PKD1: variants seen among roughly 807,000 people sequenced by gnomAD.
The protein encoded by PKD1 is polycystin 1, transient receptor potential channel interacting, also known as polycystin-1.
A neutral mutation model predicts 361.7 loss-of-function variants in PKD1; 81 were observed. The ratio of observed to expected loss-of-function variants is 0.22; its 90% CI spans 0.19 to 0.27. The LOEUF is 0.27. PKD1 is among the 10% of genes least tolerant of loss of function. The probability of loss-of-function intolerance (pLI) is 1.00; values close to 1 mark genes in which losing one functional copy is unlikely to be tolerated. For missense variants in PKD1, 6,399 were observed against 6,118.3 expected, an observed-to-expected ratio of 1.05 and a Z score of -1.53; for synonymous variants, 3,615 against 2,818.3, an observed-to-expected ratio of 1.28 and a Z score of -8.95.
rs1286261969 is a variant in PKD1, at chr16:2,103,720, C to G, written c.8337G>C (p.Glu2779Asp). ...LNEEPLTLAG[E>D]EIVAQGKRSD... ...AGCGCTTGCCCTGGGCCACGATCTCCTCGCCCGCCAGCGTCAGGGGCTCCT... is the reference window on the plus strand; with the variant it reads ...AGCGCTTGCCCTGGGCCACGATCTCGTCGCCCGCCAGCGTCAGGGGCTCCT... The change falls in exon 23 of 46, where the codon GAG becomes GAC. Residue 2779 changes from glutamate to aspartate, a missense_variant. Transcript: ENST00000262304. 3 of 1,609,910 alleles carry G rather than the reference C, an allele frequency of 1.9e-6. No homozygotes were observed. The African/African-American group carries it at 4.0e-5, about 22-fold the overall frequency.
At chr16:2,091,384 C>A in intron 42 of PKD1, 39 bp downstream of exon 42, 3 of 1,074,964 alleles carry the variant, frequency 2.8e-6, no homozygotes, top group Non-Finnish European at 3.4e-6. Context: ...CGGGACGCTG[C>A]CGGTGGGAGG....
intron 1 of PKD1, among the ~76,000 whole-genome samples, chr16:2,125,151 G>A (rs2092779275): frequency 6.6e-6 from 1 of 152,252 alleles, no homozygotes; most frequent in Non-Finnish European, 1.5e-5. Context: ...GCGGCTTCCA[G>A]GGCCGGAAAT....
chr16:2,091,773 G>GCTC lies in PKD1; in HGVS notation c.11537+5_11537+7dup. The GCTC allele has an allele frequency of 6.2e-7, 1 of 1,608,776 alleles. No homozygotes were observed. The highest frequency in any genetic ancestry group is 8.5e-7 in the Non-Finnish European group (1 of 1,178,586). On this transcript the variant is annotated splice_region_variant and intron_variant, in intron 41 of 45. Coordinates refer to ENST00000262304, the MANE Select transcript of PKD1 (RefSeq NM_001009944.3). ...CACCCCGGAGAGGGCAGGGGAGGGAGCTCCCACCTGTTGTCCAGCCAGTTG... is the reference window on the plus strand; with the variant it reads ...CACCCCGGAGAGGGCAGGGGAGGGAGCTCCTCCCACCTGTTGTCCAGCCAGTTG...
chr16:2,091,332 G>GCGAGGGCGGGGCCCTT, intron 42 of PKD1, 91 bp downstream of exon 42: 1 of 627,290 alleles, frequency 1.6e-6, no homozygotes, highest in Non-Finnish European at 2.0e-6. Context: ...GCGGGGCGCT[G>GCGAGGGCGGGGCCCTT]CGAGGGGTGA....
intron 10 of PKD1, 137 bp downstream of exon 10, chr16:2,115,241 C>G: frequency 9.3e-7 from 1 of 1,074,262 alleles, no homozygotes; most frequent in Non-Finnish European, 1.3e-6. Context: ...CTGCAGAGGT[C>G]GGAGGTCAGA....
In PKD1 at chr16:2,091,614, G is replaced by T. The variant is rs766303348; in HGVS notation, c.11538-17C>A. ...GCGCGGCTCCTGCGCAGAGGGTGCG[G>T]GTCAGTAGGAGCGGGTGGCAGGGCG... On this transcript the variant is annotated splice_polypyrimidine_tract_variant and intron_variant, in intron 41 of 45. Transcript: ENST00000262304. The T allele has an allele frequency of 4.5e-6, 7 of 1,562,614 alleles. No individual in the cohort carries two copies. The Admixed American group carries it at 1.1e-4, about 24-fold the overall frequency.
Position 2,116,627 on chromosome 16 carries a change from C to T in PKD1, c.1624G>A (p.Glu542Lys), listed in dbSNP as rs570811509. ...CTGGGCGCTCCCACGAGGAGGTTCT[C>T]GGCATCCTGCACTGGGCCTGGGGTG... is the stretch of plus-strand genomic sequence containing the variant. ...LQPGGPVQDA[E>K]NLLVGAPSGD... Residue 542 changes from glutamate to lysine, a missense_variant, in exon 8 of 46, where the codon GAG (glutamate) becomes AAG (lysine). By Grantham distance (56) the Glu-to-Lys change is moderately conservative. Transcript: ENST00000262304. 3.8e-5 allele frequency: 58 copies of T among 1,541,880 alleles called. No individual in the cohort carries two copies. The Admixed American group carries it at 8.4e-4, about 22-fold the overall frequency.
intron 41 of PKD1, 25 bp downstream of exon 41, chr16:2,091,756 A>C (rs1216819168): frequency 3.1e-6 from 5 of 1,608,912 alleles, no homozygotes; most frequent in East Asian, 2.2e-5. Flanking sequence ...GCCACCCCGG[A>C]GAGGGCAGGG....
rs777608163 is a variant in PKD1, at chr16:2,103,629, C to T, written c.8428G>A (p.Glu2810Lys). 172 of 1,610,458 alleles carry T rather than the reference C, an allele frequency of 1.1e-4. No individual in the cohort carries two copies. Among genetic ancestry groups the T allele is most frequent in the East Asian group, 1.6e-4 (7 of 44,842 alleles). The change falls in exon 23 of 46, where the codon GAG becomes AAG. Residue 2810 changes from glutamate to lysine, a missense_variant. Glu to Lys is a moderately conservative substitution (Grantham distance 56). Transcript: ENST00000262304. ...PGPGCHFSIP[E>K]AFSGALANLS... Reference sequence around the variant, plus strand: ...TTGGCCAGGGCCCCGCTGAAAGCCTCGGGGATGGAGAAGTGGCAGCCAGGC... The same window carrying T: ...TTGGCCAGGGCCCCGCTGAAAGCCTTGGGGATGGAGAAGTGGCAGCCAGGC...
rs1020513361 is a variant in PKD1 at position 2,091,801 on chromosome 16, C to T, written c.11517G>A (p.Leu3839=). Residue 3839 remains leucine, a synonymous_variant, in exon 41 of 46, where the codon CTG becomes CTA. Coordinates refer to ENST00000262304, the MANE Select transcript of PKD1 (RefSeq NM_001009944.3). The stretch of plus-strand genomic sequence containing the variant: ...CCCACCTGTTGTCCAGCCAGTTGTG[C>T]AGCTGCAGGAAGCGCAGCCGGTCGC... ...ESRDRLRFLQ[L]HNWLDNRSRA... 1.9e-6 allele frequency: 3 copies of T among 1,610,680 alleles called. No homozygotes were observed. The highest frequency in any genetic ancestry group is 2.7e-5 in the African/African-American group (2 of 74,866).
Position 2,107,932 on chromosome 16 carries a change from C to G in PKD1, c.7016G>C (p.Ser2339Thr). The G allele has an allele frequency of 5.8e-6, 9 of 1,546,258 alleles. No homozygotes were observed. The highest frequency in any genetic ancestry group is 1.2e-5 in the South Asian group (1 of 83,990). ...RLAAGVEYTF[S>T]LTVWKAGRKE... The stretch of plus-strand genomic sequence containing the variant: ...GCGGCCGGCCTTCCACACGGTCAGG[C>G]TGAAGGTGTACTCCACGCCAGCCGC... Residue 2339 changes from serine to threonine, a missense_variant, in exon 16 of 46, where the codon AGC becomes ACC. Coordinates refer to ENST00000262304, the MANE Select transcript of PKD1 (RefSeq NM_001009944.3).
At chr16:2,091,387 G>A (rs1351815159) in intron 42 of PKD1, 36 bp downstream of exon 42, 1 of 1,083,834 alleles carries the variant, frequency 9.2e-7, no homozygotes, top group African/African-American at 1.7e-5. Context: ...GACGCTGCCG[G>A]TGGGAGGCGC....
intron 1 of PKD1, among the ~76,000 whole-genome samples, chr16:2,126,752 T>C (rs3874664): frequency 1.3e-5 from 2 of 152,198 alleles, no homozygotes; most frequent in African/African-American, 4.8e-5. Context: ...GAAAAGAACA[T>C]GTGTGTCTCC....
chr16:2,090,632 G>A (rs776251772), intron 44 of PKD1, 42 bp from the exon 45 acceptor site: 21 of 1,609,740 alleles, frequency 1.3e-5, no homozygotes, highest in South Asian at 5.5e-5. Flanking sequence ...CAGCTGAGCT[G>A]AGCTGAGCTA....
At chr16:2,130,510 G>A (rs905107723) in intron 1 of PKD1, among the ~76,000 whole-genome samples, 1 of 152,216 alleles carries the variant, frequency 6.6e-6, no homozygotes, top group Non-Finnish European at 1.5e-5. Context: ...AGTGATAACG[G>A]AGCCCTCGAG....
At chr16:2,119,754 C>G in intron 1 of PKD1, 1 of 654,446 alleles carries the variant, frequency 1.5e-6, no homozygotes, top group Non-Finnish European at 2.8e-6. Flanking sequence ...GTCCACAGCC[C>G]CCACACAGAC....
At position 2,110,302 on chromosome 16, in the gene PKD1, T is replaced by C; in HGVS notation, c.4865A>G (p.Asp1622Gly). 6.2e-7 allele frequency: 1 copy of C among 1,612,612 alleles called. No individual in the cohort carries two copies. The highest frequency in any genetic ancestry group is 8.5e-7 in the Non-Finnish European group (1 of 1,179,836). Residue 1622 changes from aspartate (D) to glycine (G), a missense_variant, in exon 15 of 46, where the codon GAC becomes GGC. Asp to Gly is a moderately conservative substitution (Grantham distance 94). Transcript: ENST00000262304. ...TAENEVGSAQ[D>G]SIFVYVLQLI... ...CTGCAGGACATAGACGAAGATGCTGTCCTGGGCGGAGCCCACCTCGTTCTC... is the reference window on the plus strand; with the variant it reads ...CTGCAGGACATAGACGAAGATGCTGCCCTGGGCGGAGCCCACCTCGTTCTC...
intron 8 of PKD1, 66 bp from the exon 9 acceptor site, chr16:2,116,184 A>G (rs1439123534): frequency 2.6e-6 from 4 of 1,522,564 alleles, no homozygotes; most frequent in Non-Finnish European, 3.6e-6. Context: ...GACTCCCCCT[A>G]CCCGAACTTC....
In PKD1 at chr16:2,111,719, G is replaced by A. The variant is rs746052010; in HGVS notation, c.3448C>T (p.Pro1150Ser). The change falls in exon 15 of 46, where the codon CCG becomes TCG. Residue 1150 changes from proline to serine, a missense_variant. Pro to Ser is a moderately conservative substitution (Grantham distance 74). Coordinates refer to ENST00000262304, the MANE Select transcript of PKD1 (RefSeq NM_001009944.3). ...AGAACACCCCCAGGCGAGGGCAGCGGGTGCGGGTAGAAGGTGACGGGCCGG... is the reference window on the plus strand; with the variant it reads ...AGAACACCCCCAGGCGAGGGCAGCGAGTGCGGGTAGAAGGTGACGGGCCGG... Reference protein sequence around the residue: ...AGRPVTFYPHPLPSPGGVLYT... With the variant: ...AGRPVTFYPHSLPSPGGVLYT... 4 of 1,592,162 alleles carry A rather than the reference G, an allele frequency of 2.5e-6. No homozygotes were observed. The highest frequency in any genetic ancestry group is 1.8e-5 in the Admixed American group (1 of 56,684).
Sources: allele counts gnomAD v4.1 joint callset (sites outside exome capture counted in the v4.1 genomes callset), GRCh38; gene constraint gnomAD v4.1.1; transcripts MANE v1.5; gene names NCBI Gene and HGNC (gene_info 2026-07-23, HGNC 2026-07-21).